Variants in GNG7 observed in about 807,000 individuals in gnomAD.
GNG7 encodes the protein guanine nucleotide-binding protein G(I)/G(S)/G(O) subunit gamma-7.
In GNG7, 1 loss-of-function variant was observed where a neutral mutation model predicts 4.0. That is an observed-to-expected ratio of 0.25 (90% CI 0.09 to 1.18). The LOEUF is 1.18. Ranked by LOEUF, GNG7 falls within the 50% of genes most tolerant of loss-of-function variation. The probability of loss-of-function intolerance (pLI) is 0.50; values close to 1 mark genes in which losing one functional copy is unlikely to be tolerated. For missense variants in GNG7, 86 were observed against 91.9 expected, an observed-to-expected ratio of 0.94 and a Z score of 0.26; for synonymous variants, 34 against 36.9, an observed-to-expected ratio of 0.92 and a Z score of 0.29.
intron 3 of GNG7, among the ~76,000 whole-genome samples, chr19:2,534,228 C>T (rs1338986148): frequency 6.6e-6 from 1 of 152,162 alleles, no homozygotes; most frequent in Admixed American, 6.6e-5. Context: ...TCAGTCCAGC[C>T]AGCCCCTCCT....
chr19:2,558,741 C>T (rs1297313382), intron 2 of GNG7, among the ~76,000 whole-genome samples: 1 of 150,526 alleles, frequency 6.6e-6, no homozygotes, highest in Non-Finnish European at 1.5e-5. Flanking sequence ...TTCTTTCTTC[C>T]TTCCTTTCCT....
intron 1 of GNG7, among the ~76,000 whole-genome samples, chr19:2,665,362 G>C (rs1056643993): frequency 6.9e-5 from 2 of 28,884 alleles, no homozygotes; most frequent in African/African-American, 1.1e-4. Context: ...AGTGTCCCCT[G>C]GGGGGGGGGG....
intron 1 of GNG7, among the ~76,000 whole-genome samples, chr19:2,682,478 C>T (rs1371671748): frequency 2.6e-5 from 4 of 151,156 alleles, no homozygotes; most frequent in African/African-American, 9.7e-5. Context: ...GCCTGGCCAA[C>T]ATAGCGAAAC....
In GNG7 at chr19:2,645,243, CTTT is replaced by C. The variant is rs10674864; in HGVS notation, c.-78+978_-78+980del. Among the ~76,000 whole-genome samples, 41 of 135,492 alleles carry C rather than the reference CTTT, an allele frequency of 3.0e-4. No homozygotes were observed. The East Asian group carries it at 7.6e-3, about 25-fold the overall frequency. 88.9% of individuals were successfully genotyped at this position (135,492 alleles called of 152,430 possible). ...TTCTTTCTTTTCTCTCTCTCTCTCT[CTTT>C]TTTTTTTTTTTAGAAGGAGTTTCGC... is the stretch of plus-strand genomic sequence containing the variant. On this transcript the variant is annotated intron_variant, in intron 2 of 4. Transcript: ENST00000382159.
At chr19:2,516,489 G>A (rs984490274) in intron 4 of GNG7, among the ~76,000 whole-genome samples, 1 of 152,096 alleles carries the variant, frequency 6.6e-6, no homozygotes, top group Non-Finnish European at 1.5e-5. Context: ...CTCCCAAAGT[G>A]CTGGGATTAC....
At chr19:2,585,926 T>C (rs1980659361) in intron 2 of GNG7, among the ~76,000 whole-genome samples, 1 of 152,186 alleles carries the variant, frequency 6.6e-6, no homozygotes, top group South Asian at 2.1e-4. Context: ...GGTCTCACTC[T>C]CTTGACCTCG....
chr19:2,667,464 G>A (rs544175349), intron 1 of GNG7, among the ~76,000 whole-genome samples: 9 of 152,060 alleles, frequency 5.9e-5, no homozygotes, highest in Non-Finnish European at 1.0e-4. Context: ...AGAAAACCTC[G>A]GCTGCAAAGG....
At position 2,611,844 on chromosome 19, in the gene GNG7, TA is replaced by T. The variant is rs1981576551; in HGVS notation, c.-78+34379del. 6.6e-6 allele frequency: 1 copy of T among 151,680 alleles called. No homozygotes were observed. The highest frequency in any genetic ancestry group is 1.5e-5 in the Non-Finnish European group (1 of 67,914). 9.4% of individuals were successfully genotyped at this position (151,680 alleles called of 1,614,324 possible). ...GAGGGAGATTCTGTCTCTAAAAAAA[TA>T]AAAAGTAAAAGTAAAAGTAAATAAA... On this transcript the variant is annotated intron_variant, in intron 2 of 4. Coordinates refer to ENST00000382159, the MANE Select transcript of GNG7 (RefSeq NM_052847.3). The surrounding 1 kb of genome is among the most constrained non-coding windows in gnomAD (Gnocchi z 6.0).
intron 3 of GNG7, among the ~76,000 whole-genome samples, chr19:2,553,569 A>G (rs988267574): frequency 3.3e-5 from 5 of 149,454 alleles, no homozygotes; most frequent in Non-Finnish European, 5.9e-5. Flanking sequence ...CACATGTAAT[A>G]AATCATATCA....
intron 2 of GNG7, among the ~76,000 whole-genome samples, chr19:2,608,507 G>A (rs914613437): frequency 6.6e-6 from 1 of 152,190 alleles, no homozygotes; most frequent in African/African-American, 2.4e-5. Flanking sequence ...CGGGCAGCAG[G>A]CTCACGTGTC....
intron 2 of GNG7, among the ~76,000 whole-genome samples, chr19:2,625,582 C>T (rs1446332719): frequency 6.6e-6 from 1 of 152,140 alleles, no homozygotes; most frequent in African/African-American, 2.4e-5. Context: ...CTGCCACCAA[C>T]TTGTAGAAGG....
At chr19:2,623,557 C>T (rs1568265980) in intron 2 of GNG7, among the ~76,000 whole-genome samples, 2 of 152,316 alleles carry the variant, frequency 1.3e-5, no homozygotes, top group Non-Finnish European at 1.5e-5. Context: ...ACCTTGAGGA[C>T]GTCACGCTCA....
At chr19:2,520,402 C>G (rs112149809) in intron 4 of GNG7, among the ~76,000 whole-genome samples, 1 of 152,144 alleles carries the variant, frequency 6.6e-6, no homozygotes, top group East Asian at 1.9e-4. Flanking sequence ...CATTGCTGCA[C>G]GAAGGCAGGA....
chr19:2,609,660 CAA>C lies in GNG7; in HGVS notation c.-78+36562_-78+36563del, dbSNP rs1981499996. Among the ~76,000 whole-genome samples, 1 of 152,124 alleles carries C rather than the reference CAA, an allele frequency of 6.6e-6. No individual in the cohort carries two copies. The highest frequency in any genetic ancestry group is 2.4e-5 in the African/African-American group (1 of 41,404). On this transcript the variant is annotated intron_variant, in intron 2 of 4. Coordinates refer to ENST00000382159, the MANE Select transcript of GNG7 (RefSeq NM_052847.3). This position sits in a 1 kb window ranked among gnomAD's most constrained non-coding sequence, Gnocchi z 4.4. ...GTCTTGGACTTCCAGCCTCCAGAAC[CAA>C]GAGAGAGAAGAAATCTCTGTTGCTA...
intron 1 of GNG7, among the ~76,000 whole-genome samples, chr19:2,675,238 C>T (rs1019789394): frequency 6.6e-6 from 1 of 152,208 alleles, no homozygotes; most frequent in Non-Finnish European, 1.5e-5. Flanking sequence ...CCCTGAAGAA[C>T]TAACAGGTCT....
At chr19:2,564,426 C>A (rs955756691) in intron 2 of GNG7, among the ~76,000 whole-genome samples, 1 of 152,024 alleles carries the variant, frequency 6.6e-6, no homozygotes, top group Non-Finnish European at 1.5e-5. Flanking sequence ...ACCAAAAATA[C>A]AAAAATTAGC....
intron 1 of GNG7, among the ~76,000 whole-genome samples, chr19:2,696,174 A>AAAGAGAGAG (rs1454642073): frequency 1.4e-5 from 2 of 147,622 alleles, no homozygotes; most frequent in African/African-American, 5.0e-5. Flanking sequence ...GAAAAGAGAG[A>AAAGAGAGAG]AAGAGAGAGA....
At chr19:2,690,780 G>A (rs1465282668) in intron 1 of GNG7, among the ~76,000 whole-genome samples, 2 of 152,070 alleles carry the variant, frequency 1.3e-5, no homozygotes, top group African/African-American at 4.8e-5. Flanking sequence ...TGTTAATAAA[G>A]ACGGGGTTTC....
At chr19:2,570,033 G>A (rs899886163) in intron 2 of GNG7, among the ~76,000 whole-genome samples, 16 of 151,634 alleles carry the variant, frequency 1.1e-4, no homozygotes, top group South Asian at 4.2e-4. Context: ...CTGGGTGGGC[G>A]GCATTTGGGT....
Sources: gnomAD v4.1 joint callset for allele counts (sites outside exome capture counted in the v4.1 genomes callset) on GRCh38, gnomAD v4.1.1 for gene constraint, Gnocchi (gnomAD v3.1) non-coding constraint, MANE v1.5 for transcripts, NCBI Gene and HGNC (gene_info 2026-07-23, HGNC 2026-07-21) for gene names.